KIRREL3: variants seen among roughly 807,000 people sequenced by gnomAD.
KIRREL3 encodes kirre like nephrin family adhesion molecule 3, also known as kin of IRRE-like protein 3.
Under a neutral mutation model 89.7 loss-of-function variants are expected in KIRREL3, and 36 were observed. The observed-to-expected ratio is 0.40, with a 90% CI of 0.31 to 0.53. The LOEUF is 0.53. Among genes scored for constraint, KIRREL3 ranks in the 20% least tolerant of loss-of-function variants. The probability of loss-of-function intolerance (pLI) is 0.49; values close to 1 mark genes in which losing one functional copy is unlikely to be tolerated. For synonymous variants in KIRREL3, 445 were observed against 441.4 expected, an observed-to-expected ratio of 1.01 and a Z score of -0.10; for missense variants, 864 against 1,056.6, an observed-to-expected ratio of 0.82 and a Z score of 2.53.
chr11:126,462,177 A>T lies in KIRREL3; in HGVS notation c.742+980T>A, dbSNP rs1285488394. Among the ~76,000 whole-genome samples the T allele has an allele frequency of 6.6e-6, 1 of 152,108 alleles. No individual in the cohort carries two copies. The highest frequency in any genetic ancestry group is 2.4e-5 in the African/African-American group (1 of 41,414). On this transcript the variant is annotated intron_variant, in intron 6 of 16. Transcript: ENST00000525144. This position sits in a 1 kb window ranked among gnomAD's most constrained non-coding sequence, Gnocchi z 4.8. The stretch of plus-strand genomic sequence containing the variant: ...TGCGATGCTGGTGGAGCCCTGAAGC[A>T]TCATAACTGTCAACATGAATCCTAA...
Position 126,508,357 on chromosome 11 carries a change from GA to G in KIRREL3, c.433+12957del, listed in dbSNP as rs1332362612. On this transcript the variant is annotated intron_variant, in intron 4 of 16. Coordinates refer to ENST00000525144, the MANE Select transcript of KIRREL3 (RefSeq NM_032531.4). This position sits in a 1 kb window ranked among gnomAD's most constrained non-coding sequence, Gnocchi z 4.9. Reference sequence around the variant, plus strand: ...ACAGAACAATTTAGAGGCTCAGAGTGATGGAGAAAGACGCGGCAGGTGGCCG... The same window carrying G: ...ACAGAACAATTTAGAGGCTCAGAGTGTGGAGAAAGACGCGGCAGGTGGCCG... Among the ~76,000 whole-genome samples, 12 of 152,256 alleles carry G rather than the reference GA, an allele frequency of 7.9e-5. No homozygotes were observed. Among genetic ancestry groups the G allele is most frequent in the Admixed American group, 7.2e-4 (11 of 15,304 alleles).
intron 1 of KIRREL3, among the ~76,000 whole-genome samples, chr11:126,823,673 C>T (rs921499848): frequency 1.3e-5 from 2 of 152,194 alleles, no homozygotes; most frequent in Non-Finnish European, 2.9e-5. Context: ...AGTCTCCAGG[C>T]TTCTCTATCT....
rs111866490 is a variant in KIRREL3 at position 126,741,536 on chromosome 11, A to G, written c.56-178624T>C. ...ACCAGAGTTCAACAAATGCGTCTTG[A>G]TCTTCAAAGAAAACACCTGAGAGTC... On this transcript the variant is annotated intron_variant, in intron 1 of 16. Transcript: ENST00000525144. Among the ~76,000 whole-genome samples the G allele has an allele frequency of 6.3e-3, 961 of 152,320 alleles. 4 individuals carry two copies. Among genetic ancestry groups the G allele is most frequent in the Middle Eastern group, 0.017 (5 of 294 alleles).
In KIRREL3 at chr11:126,986,412, T is replaced by G. The variant is rs542768013; in HGVS notation, c.55+14043A>C. Among the ~76,000 whole-genome samples the G allele has an allele frequency of 1.4e-3, 217 of 152,360 alleles. 1 individual carries two copies. The Middle Eastern group carries it at 0.027, about 19-fold the overall frequency. On this transcript the variant is annotated intron_variant, in intron 1 of 16. Coordinates refer to ENST00000525144, the MANE Select transcript of KIRREL3 (RefSeq NM_032531.4). ...TCGGGGTGCATTATTATATACATTC[T>G]GAATCTCTTCACTGTACAAAACAGA...
rs1940332051 is a variant in KIRREL3, at chr11:126,564,046, T to C, written c.56-1134A>G. On this transcript the variant is annotated intron_variant, in intron 1 of 16. Coordinates refer to ENST00000525144, the MANE Select transcript of KIRREL3 (RefSeq NM_032531.4). This position sits in a 1 kb window ranked among gnomAD's most constrained non-coding sequence, Gnocchi z 7.4. ...TGTCAGCTGCCACAAACTTGGTAAA[T>C]AGATAAGGAATTTGATTTCTGGAAG... Among the ~76,000 whole-genome samples, 1 of 152,178 alleles carries C rather than the reference T, an allele frequency of 6.6e-6. No individual in the cohort carries two copies.
rs1944647352 is a variant in KIRREL3 at position 126,645,890 on chromosome 11, T to TTTTTAATTAACTTCAACTTCTCCCAGAGA, written c.56-83007_56-82979dup. 6.6e-6 allele frequency among the ~76,000 whole-genome samples: 1 copy of TTTTTAATTAACTTCAACTTCTCCCAGAGA among 152,236 alleles called. No homozygotes were observed. Among genetic ancestry groups the TTTTTAATTAACTTCAACTTCTCCCAGAGA allele is most frequent in the Admixed American group, 6.5e-5 (1 of 15,288 alleles). ...ATACTAATGCATATGCTGTTAAACCTTTTTAATTAACTTCAACTTCTCCCA... is the reference window on the plus strand; with the variant it reads ...ATACTAATGCATATGCTGTTAAACCTTTTTAATTAACTTCAACTTCTCCCAGAGATTTTAATTAACTTCAACTTCTCCCA... On this transcript the variant is annotated intron_variant, in intron 1 of 16. Coordinates refer to ENST00000525144, the MANE Select transcript of KIRREL3 (RefSeq NM_032531.4). The surrounding 1 kb of genome is among the most constrained non-coding windows in gnomAD (Gnocchi z 4.9).
intron 1 of KIRREL3, among the ~76,000 whole-genome samples, chr11:126,960,346 G>GT (rs1235956626): frequency 1.1e-4 from 16 of 149,514 alleles, no homozygotes; most frequent in Non-Finnish European, 1.5e-5. Flanking sequence ...TTTTGTTTTG[G>GT]GGTTTGTCAT....
intron 1 of KIRREL3, among the ~76,000 whole-genome samples, chr11:126,941,435 C>T (rs1366481534): frequency 6.6e-6 from 1 of 152,026 alleles, no homozygotes; most frequent in Non-Finnish European, 1.5e-5. Flanking sequence ...GAGTCCTAAC[C>T]CAGACTCATG....
In KIRREL3 at chr11:126,700,306, A is replaced by G. The variant is rs111561863; in HGVS notation, c.56-137394T>C. ...CTTTCTGAAACAAGTATATGTACAC[A>G]CACATTTTTCTGTGTGACTCAGTAT... On this transcript the variant is annotated intron_variant, in intron 1 of 16. Transcript: ENST00000525144. Among the ~76,000 whole-genome samples the G allele has an allele frequency of 1.0e-3, 153 of 152,292 alleles. 1 individual carries two copies. Among genetic ancestry groups the G allele is most frequent in the African/African-American group, 3.5e-3 (146 of 41,560 alleles).
rs183514264 is a variant in KIRREL3, at chr11:126,929,486, T to C, written c.55+70969A>G. Among the ~76,000 whole-genome samples the C allele has an allele frequency of 2.4e-3, 363 of 152,236 alleles. 1 individual carries two copies. The highest frequency in any genetic ancestry group is 8.3e-3 in the African/African-American group (345 of 41,534). On this transcript the variant is annotated intron_variant, in intron 1 of 16. Coordinates refer to ENST00000525144, the MANE Select transcript of KIRREL3 (RefSeq NM_032531.4). The stretch of plus-strand genomic sequence containing the variant: ...CGTCTGGAATGCAGAATTTTCTGAC[T>C]TGCCTAAAAAGATCGAAACAAAACC...
rs1944996224 is a variant in KIRREL3, at chr11:126,653,564, G to A, written c.56-90652C>T. Among the ~76,000 whole-genome samples, 1 of 152,176 alleles carries A rather than the reference G, an allele frequency of 6.6e-6. No homozygotes were observed. Among genetic ancestry groups the A allele is most frequent in the African/African-American group, 2.4e-5 (1 of 41,456 alleles). Reference sequence around the variant, plus strand: ...TACGGAATGAGAAAAAAGCGGCACCGGAAGTGGCATTTTGCAAACTCCAAT... The same window carrying A: ...TACGGAATGAGAAAAAAGCGGCACCAGAAGTGGCATTTTGCAAACTCCAAT... On this transcript the variant is annotated intron_variant, in intron 1 of 16. Coordinates refer to ENST00000525144, the MANE Select transcript of KIRREL3 (RefSeq NM_032531.4). This position sits in a 1 kb window ranked among gnomAD's most constrained non-coding sequence, Gnocchi z 5.4.
chr11:126,716,755 G>GT (rs1555181304), intron 1 of KIRREL3, among the ~76,000 whole-genome samples: 12 of 146,534 alleles, frequency 8.2e-5, no homozygotes, highest in African/African-American at 2.9e-4. Flanking sequence ...TGTTGGGGGG[G>GT]GGGGGAAGTG....
Position 126,821,351 on chromosome 11 carries a change from A to ATATATATGTG in KIRREL3, c.55+179103_55+179104insCACATATATA, listed in dbSNP as rs756545626. Among the ~76,000 whole-genome samples the ATATATATGTG allele has an allele frequency of 9.8e-4, 103 of 105,156 alleles. 9 individuals carry two copies. Among genetic ancestry groups the ATATATATGTG allele is most frequent in the African/African-American group, 2.0e-3 (45 of 23,030 alleles). 69.0% of individuals were successfully genotyped at this position (105,156 alleles called of 152,430 possible). ...ACAGTATATATATATATATATATAT[A>ATATATATGTG]TGTAACTTCCAACCAACATCCCTTC... On this transcript the variant is annotated intron_variant, in intron 1 of 16. Transcript: ENST00000525144.
chr11:126,628,165 G>T lies in KIRREL3; in HGVS notation c.56-65253C>A, dbSNP rs1322535229. Among the ~76,000 whole-genome samples, 3 of 152,118 alleles carry T rather than the reference G, an allele frequency of 2.0e-5. No homozygotes were observed. The highest frequency in any genetic ancestry group is 7.2e-5 in the African/African-American group (3 of 41,388). On this transcript the variant is annotated intron_variant, in intron 1 of 16. Coordinates refer to ENST00000525144, the MANE Select transcript of KIRREL3 (RefSeq NM_032531.4). This position sits in a 1 kb window ranked among gnomAD's most constrained non-coding sequence, Gnocchi z 5.2. ...AGACTGGTCCCTCTGAACACACTTC[G>T]CCCACCCCTCCAAGGCTTCTGGCCT...
At position 126,788,967 on chromosome 11, in the gene KIRREL3, T is replaced by C. The variant is rs1159571372; in HGVS notation, c.55+211488A>G. On this transcript the variant is annotated intron_variant, in intron 1 of 16. Transcript: ENST00000525144. This position sits in a 1 kb window ranked among gnomAD's most constrained non-coding sequence, Gnocchi z 4.1. The stretch of plus-strand genomic sequence containing the variant: ...GGGCACCTAGTCAAACAAATCCCTG[T>C]CAAGATTTCTTTGACCCAACGGTGG... Among the ~76,000 whole-genome samples, 3 of 152,178 alleles carry C rather than the reference T, an allele frequency of 2.0e-5. No homozygotes were observed. The highest frequency in any genetic ancestry group is 7.2e-5 in the African/African-American group (3 of 41,446).
rs1053048260 is a variant in KIRREL3 at position 126,563,394 on chromosome 11, G to A, written c.56-482C>T. Among the ~76,000 whole-genome samples the A allele has an allele frequency of 4.6e-5, 7 of 152,208 alleles. No homozygotes were observed. The highest frequency in any genetic ancestry group is 2.1e-4 in the South Asian group (1 of 4,820). ...ATGGAACAGTGCAACCAGACATGGT[G>A]GGTGACTCAGGAGGATGAAGTGATT... is the stretch of plus-strand genomic sequence containing the variant. On this transcript the variant is annotated intron_variant, in intron 1 of 16. Coordinates refer to ENST00000525144, the MANE Select transcript of KIRREL3 (RefSeq NM_032531.4). This position sits in a 1 kb window ranked among gnomAD's most constrained non-coding sequence, Gnocchi z 6.8.
chr11:126,424,395 C>A lies in KIRREL3; in HGVS notation c.*185G>T, dbSNP rs1954846572. On this transcript the variant is annotated 3_prime_UTR_variant, in exon 17 of 17. Coordinates refer to ENST00000525144, the MANE Select transcript of KIRREL3 (RefSeq NM_032531.4). ...TCCCCACCCGCCCACCTCTGGCACA[C>A]AGCACCTGGGGACCCAGATTTGTGC... 7 of 493,944 alleles carry A rather than the reference C, an allele frequency of 1.4e-5. No homozygotes were observed. Among genetic ancestry groups the A allele is most frequent in the Non-Finnish European group, 2.2e-5 (6 of 269,982 alleles). The allele number at this position is 493,944 out of a possible 1,614,324, so 30.6% of individuals were successfully genotyped here.
At chr11:126,866,653 C>T (rs894412861) in intron 1 of KIRREL3, among the ~76,000 whole-genome samples, 1 of 151,976 alleles carries the variant, frequency 6.6e-6, no homozygotes, top group South Asian at 2.1e-4. Context: ...CTCACTGCCC[C>T]CCCACACACA....
Position 126,924,892 on chromosome 11 carries a change from A to G in KIRREL3, c.55+75563T>C, listed in dbSNP as rs1476009524. On this transcript the variant is annotated intron_variant, in intron 1 of 16. Transcript: ENST00000525144. This position sits in a 1 kb window ranked among gnomAD's most constrained non-coding sequence, Gnocchi z 4.7. ...TCCAACAGCATGAATATTCGGTGTG[A>G]CTGTGGCTCTGTGTATGTGTGTGTG... Among the ~76,000 whole-genome samples, 1 of 151,404 alleles carries G rather than the reference A, an allele frequency of 6.6e-6. No homozygotes were observed. The highest frequency in any genetic ancestry group is 2.4e-5 in the African/African-American group (1 of 41,122).
Sources: allele counts gnomAD v4.1 joint callset (sites outside exome capture counted in the v4.1 genomes callset), GRCh38; gene constraint gnomAD v4.1.1; non-coding constraint Gnocchi (gnomAD v3.1); transcripts MANE v1.5; gene names NCBI Gene and HGNC (gene_info 2026-07-23, HGNC 2026-07-21).